PGM5: variants seen among roughly 807,000 people sequenced by gnomAD.
PGM5 encodes the protein phosphoglucomutase 5.
A neutral mutation model predicts 59.2 loss-of-function variants in PGM5; 23 were observed. The observed-to-expected ratio is 0.39, with a 90% CI of 0.28 to 0.55. PGM5 has a LOEUF of 0.55. Among genes scored for constraint, PGM5 ranks in the 20% least tolerant of loss-of-function variants. PGM5 has a pLI of 0.66. For synonymous variants in PGM5, 214 were observed against 286.0 expected (o/e 0.75, Z 2.54); for missense variants, 574 against 748.3 (o/e 0.77, Z 2.72).
chr9:68,485,628 C>A (rs1397244317), intron 9 of PGM5, among the ~76,000 whole-genome samples: 2 of 152,142 alleles, frequency 1.3e-5, no homozygotes, highest in Admixed American at 1.3e-4. Context: ...TTCTTCATAG[C>A]AGTATGAAAA....
At chr9:68,388,165 T>G (rs1461759798) in intron 4 of PGM5, among the ~76,000 whole-genome samples, 1 of 136,520 alleles carries the variant, frequency 7.3e-6, no homozygotes, top group Non-Finnish European at 1.6e-5. Context: ...AATCCTAGCA[T>G]GCTTCCCTAA....
At chr9:68,452,831 C>A (rs1297216484) in intron 6 of PGM5, among the ~76,000 whole-genome samples, 1 of 152,230 alleles carries the variant, frequency 6.6e-6, no homozygotes, top group African/African-American at 2.4e-5. Flanking sequence ...AGGGGTATCT[C>A]TGCTTCCAAG....
At chr9:68,509,716 G>T (rs1034192645) in intron 10 of PGM5, among the ~76,000 whole-genome samples, 2 of 152,108 alleles carry the variant, frequency 1.3e-5, no homozygotes, top group Non-Finnish European at 2.9e-5. Flanking sequence ...TGATGAGAAG[G>T]TTTAGGATTA....
At chr9:68,383,740 T>TAAAAAAAAAAAAAAA in intron 2 of PGM5, among the ~76,000 whole-genome samples, 1 of 106,302 alleles carries the variant, frequency 9.4e-6, no homozygotes, top group Non-Finnish European at 1.9e-5. Context: ...ATATACAAGG[T>TAAAAAAAAAAAAAAA]AAAAAAAAAA....
At chr9:68,517,354 T>C (rs1471007526) in intron 10 of PGM5, among the ~76,000 whole-genome samples, 1 of 152,156 alleles carries the variant, frequency 6.6e-6, no homozygotes, top group African/African-American at 2.4e-5. Flanking sequence ...GCCCTCATAA[T>C]ACAAAAATCT....
At chr9:68,474,968 A>C (rs1824080732) in intron 7 of PGM5, among the ~76,000 whole-genome samples, 1 of 149,426 alleles carries the variant, frequency 6.7e-6, no homozygotes, top group Non-Finnish European at 1.5e-5. Flanking sequence ...GCATGTTTTA[A>C]ATGTGAATTT....
At chr9:68,416,205 A>G (rs1823029024) in intron 6 of PGM5, among the ~76,000 whole-genome samples, 1 of 152,248 alleles carries the variant, frequency 6.6e-6, no homozygotes, top group South Asian at 2.1e-4. Flanking sequence ...TAGTAAGAGA[A>G]AAGTAAATAC....
chr9:68,434,334 A>AAAAAAG (rs1564004817), intron 6 of PGM5, among the ~76,000 whole-genome samples: 2 of 135,642 alleles, frequency 1.5e-5, no homozygotes, highest in Non-Finnish European at 3.0e-5. Flanking sequence ...AAAAAAAAAA[A>AAAAAAG]AAAAAGAAAA....
rs138889202 is a variant in PGM5 at position 68,454,239 on chromosome 9, C to T, written c.1044-10854C>T. 2.0e-5 allele frequency among the ~76,000 whole-genome samples: 3 copies of T among 152,322 alleles called. No individual in the cohort carries two copies. The East Asian group carries it at 5.8e-4, about 29-fold the overall frequency. ...TTCCTGCCAAGCAGCCCTATCCACACAGATCTGTCCCTGGATTTCAGTAAT... is the reference window on the plus strand; with the variant it reads ...TTCCTGCCAAGCAGCCCTATCCACATAGATCTGTCCCTGGATTTCAGTAAT... On this transcript the variant is annotated intron_variant, in intron 6 of 10. Coordinates refer to ENST00000396396, the MANE Select transcript of PGM5 (RefSeq NM_021965.4).
chr9:68,522,210 G>C (rs1824909200), intron 10 of PGM5, among the ~76,000 whole-genome samples: 1 of 152,200 alleles, frequency 6.6e-6, no homozygotes, highest in African/African-American at 2.4e-5. Flanking sequence ...AGCCATCTGA[G>C]CCTTTTATAT....
rs1387404211 is a variant in PGM5 at position 68,406,696 on chromosome 9, A to G, written c.1043+14223A>G. Among the ~76,000 whole-genome samples the G allele has an allele frequency of 8.8e-4, 66 of 75,038 alleles. 5 individuals are homozygous for G. Among genetic ancestry groups the G allele is most frequent in the Middle Eastern group, 0.01 (2 of 200 alleles). 49.2% of individuals were successfully genotyped at this position (75,038 alleles called of 152,430 possible). On this transcript the variant is annotated intron_variant, in intron 6 of 10. Transcript: ENST00000396396. ...TATATATGTATATATATATATATATATATATATATATATATATATATATAT... is the reference window on the plus strand; with the variant it reads ...TATATATGTATATATATATATATATGTATATATATATATATATATATATAT...
intron 6 of PGM5, among the ~76,000 whole-genome samples, chr9:68,406,720 A>ATATGTATATG (rs1563996767): frequency 1.3e-5 from 1 of 76,580 alleles, no homozygotes; most frequent in Non-Finnish European, 2.5e-5. Flanking sequence ...ATATATATAT[A>ATATGTATATG]TATATGTATA....
At chr9:68,394,352 A>C (rs1292983394) in intron 6 of PGM5, 1 of 152,164 alleles carries the variant, frequency 6.6e-6, no homozygotes, top group East Asian at 1.9e-4. Context: ...CTGTAATCCC[A>C]GCTACTTGGG....
intron 6 of PGM5, chr9:68,406,416 G>C (rs1246306925): frequency 1.3e-5 from 2 of 149,946 alleles, no homozygotes; most frequent in South Asian, 2.2e-4. Context: ...GGCTGAGCAT[G>C]CTAGCTCAGG....
intron 6 of PGM5, among the ~76,000 whole-genome samples, chr9:68,455,495 A>G (rs535609523): frequency 6.7e-6 from 1 of 148,512 alleles, no homozygotes; most frequent in Admixed American, 6.7e-5. Flanking sequence ...TATAAGCATC[A>G]TCTCTTAGTT....
At chr9:68,429,275 C>A (rs571613424) in intron 6 of PGM5, 1 of 152,284 alleles carries the variant, frequency 6.6e-6, no homozygotes, top group South Asian at 2.1e-4. Context: ...GGATATTGGA[C>A]AGAACTCTAA....
At chr9:68,383,144 C>T (rs1822119813) in intron 2 of PGM5, among the ~76,000 whole-genome samples, 1 of 151,802 alleles carries the variant, frequency 6.6e-6, no homozygotes, top group Admixed American at 6.6e-5. Flanking sequence ...GGGCTGTCTT[C>T]TCTCCCACTT....
chr9:68,501,582 T>C (rs937275417), intron 10 of PGM5, among the ~76,000 whole-genome samples: 3 of 152,256 alleles, frequency 2.0e-5, no homozygotes, highest in Non-Finnish European at 4.4e-5. Flanking sequence ...CTGCTAGTGT[T>C]ATTCCTGATC....
intron 8 of PGM5, among the ~76,000 whole-genome samples, chr9:68,483,604 T>C (rs147891451): frequency 2.4e-4 from 36 of 152,284 alleles, no homozygotes; most frequent in African/African-American, 8.4e-4. Context: ...GTTAAAGTGT[T>C]GAGTTTTGTT....
Sources: gnomAD v4.1 joint callset for allele counts (sites outside exome capture counted in the v4.1 genomes callset) on GRCh38, gnomAD v4.1.1 for gene constraint, MANE v1.5 for transcripts, NCBI Gene and HGNC (gene_info 2026-07-23, HGNC 2026-07-21) for gene names.